PMF1: variants seen among roughly 807,000 people sequenced by gnomAD.
PMF1 encodes polyamine modulated factor 1, also known as polyamine-modulated factor 1.
A neutral mutation model predicts 26.7 loss-of-function variants in PMF1; 21 were observed. The ratio of observed to expected loss-of-function variants is 0.79; its 90% CI spans 0.56 to 1.13. PMF1 has a LOEUF of 1.13. PMF1 is among the 50% of genes most tolerant of loss of function. The pLI is 0.00. For missense variants in PMF1, 266 were observed against 254.9 expected (o/e 1.04, Z -0.30); for synonymous variants, 105 against 101.0 (o/e 1.04, Z -0.24).
intron 2 of PMF1, among the ~76,000 whole-genome samples, 157 bp from the exon 3 acceptor site, chr1:156,233,471 A>T (rs1163957970): frequency 6.6e-6 from 1 of 151,802 alleles, no homozygotes; most frequent in African/African-American, 2.4e-5. Flanking sequence ...TTTCTTAATT[A>T]TAAAAGCCAC....
Position 156,232,399 on chromosome 1 carries a change from A to T in PMF1, c.241A>T (p.Ile81Leu). The T allele has an allele frequency of 3.7e-6, 6 of 1,613,966 alleles. No individual in the cohort carries two copies. Residue 81 changes from isoleucine to leucine, a missense_variant, in exon 2 of 5, where the codon ATA (isoleucine) becomes TTA (leucine). Physicochemically the swap from Ile to Leu is conservative, Grantham distance 5. Transcript: ENST00000368277. The part of the protein sequence containing the change: ...AMTQQIYDKF[I>L]AQLQTSIREE... ...GACACAGCAAATCTATGACAAGTTT[A>T]TAGCTCAGTTGCAGACATCTATCCG...
intron 1 of PMF1, among the ~76,000 whole-genome samples, chr1:156,227,996 A>G (rs1308652754): frequency 7.4e-6 from 1 of 135,898 alleles, no homozygotes; most frequent in Non-Finnish European, 1.6e-5. Flanking sequence ...GTGCAATGGC[A>G]TGATCTCAGC....
intron 3 of PMF1, among the ~76,000 whole-genome samples, chr1:156,234,113 C>T (rs1377444001): frequency 6.6e-6 from 1 of 152,206 alleles, no homozygotes; most frequent in African/African-American, 2.4e-5. Context: ...CTGTGTCCAC[C>T]ATATCCATGA....
At chr1:156,236,710 C>T (rs1195758539) in intron 4 of PMF1, 4 of 618,106 alleles carry the variant, frequency 6.5e-6, no homozygotes, top group African/African-American at 5.5e-5. Flanking sequence ...GGCATGTGTT[C>T]CCCTGATGGA....
Position 156,221,230 on chromosome 1 carries a change from C to G in PMF1, c.161+8054C>G, listed in dbSNP as rs553117816. ...TGCTCCTCACCAGGGCTTCTAGGCC[C>G]GGGCTACCTCTTGTGCCCTGCTGCA... On this transcript the variant is annotated intron_variant, in intron 1 of 4. Coordinates refer to ENST00000368277, the MANE Select transcript of PMF1 (RefSeq NM_007221.4). Among the ~76,000 whole-genome samples, 142 of 152,290 alleles carry G rather than the reference C, an allele frequency of 9.3e-4. 1 individual carries two copies. In the Middle Eastern group the frequency reaches 0.01, roughly 11 times the overall value.
chr1:156,220,566 T>G (rs1311132713), intron 1 of PMF1: 1 of 152,178 alleles, frequency 6.6e-6, no homozygotes, highest in Non-Finnish European at 1.5e-5. Flanking sequence ...CCTTTAAAAC[T>G]ACCCCGTTCA....
chr1:156,235,265 C>T (rs569915232), intron 3 of PMF1, among the ~76,000 whole-genome samples: 27 of 150,994 alleles, frequency 1.8e-4, no homozygotes, highest in Non-Finnish European at 3.7e-4. Flanking sequence ...GCTGGGATTA[C>T]AGCGCCCGCC....
chr1:156,219,420 C>T (rs1258053544), intron 1 of PMF1, among the ~76,000 whole-genome samples: 1 of 152,166 alleles, frequency 6.6e-6, no homozygotes, highest in Non-Finnish European at 1.5e-5. Flanking sequence ...AGCTCATCTC[C>T]ATTGCTTGAT....
At chr1:156,230,575 G>A (rs114416231) in intron 1 of PMF1, among the ~76,000 whole-genome samples, 2,239 of 152,218 alleles carry the variant, frequency 0.015, 53 homozygotes, top group African/African-American at 0.052. Context: ...AGAGTGGACA[G>A]AGAGACACAG....
chr1:156,234,303 A>C (rs2103124377), intron 3 of PMF1, among the ~76,000 whole-genome samples: 1 of 151,984 alleles, frequency 6.6e-6, no homozygotes, highest in South Asian at 2.1e-4. Context: ...CAGACTGAAG[A>C]AGCCTTCCTG....
chr1:156,226,972 C>G (rs1445007918), intron 1 of PMF1, among the ~76,000 whole-genome samples: 1 of 152,090 alleles, frequency 6.6e-6, no homozygotes, highest in Non-Finnish European at 1.5e-5. Context: ...GGGGAGGACT[C>G]CTCTTCCCAA....
intron 4 of PMF1, among the ~76,000 whole-genome samples, chr1:156,237,641 T>C (rs925247823): frequency 6.6e-6 from 1 of 151,950 alleles, no homozygotes; most frequent in Non-Finnish European, 1.5e-5. Flanking sequence ...GAGATGGGGT[T>C]TCACCATGTT....
At chr1:156,221,894 G>A (rs754908700) in intron 1 of PMF1, among the ~76,000 whole-genome samples, 19 of 152,038 alleles carry the variant, frequency 1.2e-4, no homozygotes, top group Non-Finnish European at 2.1e-4. Context: ...AGCCTCTCTC[G>A]CCTCCGACTC....
chr1:156,223,427 G>T (rs918824985), intron 1 of PMF1: 1 of 152,204 alleles, frequency 6.6e-6, no homozygotes, highest in East Asian at 1.9e-4. Flanking sequence ...AACATGGCCA[G>T]ATGGCCTGGA....
intron 1 of PMF1, among the ~76,000 whole-genome samples, chr1:156,221,327 T>TG (rs1658071257): frequency 6.6e-6 from 1 of 152,216 alleles, no homozygotes; most frequent in Admixed American, 6.5e-5. Flanking sequence ...CATCTGCACT[T>TG]GCTGTTTGCT....
At chr1:156,236,597 C>T in intron 4 of PMF1, 114 bp downstream of exon 4, 1 of 1,368,546 alleles carries the variant, frequency 7.3e-7, no homozygotes, top group African/African-American at 1.5e-5. Context: ...GGTAGGAGAG[C>T]TTGCCCCCTG....
At position 156,236,339 on chromosome 1, in the gene PMF1, C is replaced by T. The variant is rs781615889; in HGVS notation, c.420C>T (p.Tyr140=). The change falls in exon 4 of 5, where the codon TAC becomes TAT. Residue 140 remains tyrosine (Y), a synonymous_variant. Coordinates refer to ENST00000368277, the MANE Select transcript of PMF1 (RefSeq NM_007221.4). The stretch of plus-strand genomic sequence containing the variant: ...ATCTGCACAGTGTTATGGCACCCTA[C>T]TTCCTGCAGCAACGGGACACCCTGC... ...EKDLHSVMAP[Y]FLQQRDTLRR... 2.5e-6 allele frequency: 4 copies of T among 1,614,096 alleles called. No homozygotes were observed. Among genetic ancestry groups the T allele is most frequent in the Non-Finnish European group, 3.4e-6 (4 of 1,180,040 alleles).
intron 1 of PMF1, among the ~76,000 whole-genome samples, chr1:156,217,234 A>G (rs930181128): frequency 3.6e-4 from 22 of 61,462 alleles, no homozygotes; most frequent in Admixed American, 2.7e-3. Context: ...AAAGTATAAT[A>G]AAAAAAAAAA....
chr1:156,213,311 A>C (rs1163516976), intron 1 of PMF1, 135 bp downstream of exon 1: 1 of 1,333,704 alleles, frequency 7.5e-7, no homozygotes. Flanking sequence ...GAGGCGACCC[A>C]GTCAAATCCT....
Sources: allele counts gnomAD v4.1 joint callset (sites outside exome capture counted in the v4.1 genomes callset), GRCh38; gene constraint gnomAD v4.1.1; transcripts MANE v1.5; gene names NCBI Gene and HGNC (gene_info 2026-07-23, HGNC 2026-07-21).